The following NCOR2 variants were observed in gnomAD, a reference collection of about 807,000 sequenced individuals.
The protein encoded by NCOR2 is CTG repeat protein 26.
Under a neutral mutation model 262.9 loss-of-function variants are expected in NCOR2, and 81 were observed. The ratio of observed to expected loss-of-function variants is 0.31; its 90% confidence interval spans 0.26 to 0.37. NCOR2 has a LOEUF of 0.37. Among genes scored for constraint, NCOR2 ranks in the 10% least tolerant of loss-of-function variants. The pLI, the probability that NCOR2 is intolerant of heterozygous loss-of-function variation, is 1.00. For missense variants in NCOR2, 3,385 were observed against 3,621.4 expected (o/e 0.93, Z 1.68); for synonymous variants, 1,659 against 1,559.3 (o/e 1.06, Z -1.51).
intron 8 of NCOR2, among the ~76,000 whole-genome samples, chr12:124,434,309 C>T (rs2044204350): frequency 6.6e-6 from 1 of 152,142 alleles, no homozygotes; most frequent in Non-Finnish European, 1.5e-5. Flanking sequence ...TCAATGAAGT[C>T]AGGGACTTCG....
At chr12:124,349,796 C>A (rs2037280156) in intron 28 of NCOR2, among the ~76,000 whole-genome samples, 1 of 152,308 alleles carries the variant, frequency 6.6e-6, no homozygotes, top group Middle Eastern at 3.4e-3. Context: ...CCACCACCAG[C>A]CCTTCCCAGG....
In NCOR2 at chr12:124,348,170, T is replaced by C; in HGVS notation, c.3985+4A>G. On this transcript the variant is annotated splice_donor_region_variant and intron_variant, in intron 29 of 46. Transcript: ENST00000405201. ...GAGAGATGAAGTCTCCTCCCTGCTA[T>C]CACCTTCGATGCTGGCTGAGGAGAT... 6.2e-7 allele frequency: 1 copy of C among 1,610,060 alleles called. No homozygotes were observed. Among genetic ancestry groups the C allele is most frequent in the Non-Finnish European group, 8.5e-7 (1 of 1,179,998 alleles).
intron 16 of NCOR2, 86 bp downstream of exon 18, chr12:124,398,033 A>G (rs1336597975): frequency 6.3e-5 from 97 of 1,528,042 alleles, no homozygotes; most frequent in Non-Finnish European, 8.4e-5. Context: ...CTCAAGGCCA[A>G]ATGTGTCAAC....
At chr12:124,419,973 C>A in exon 13 of NCOR2, 1 of 1,613,876 alleles carries the variant, frequency 6.2e-7, no homozygotes. Flanking sequence ...CTTGCCGCGG[C>A]GCCGATAGCT....
intron 1 of NCOR2, among the ~76,000 whole-genome samples, chr12:124,528,169 C>T (rs1368848200): frequency 6.6e-6 from 1 of 152,208 alleles, no homozygotes; most frequent in Non-Finnish European, 1.5e-5. Context: ...GAAGCCCCTA[C>T]AGCAGCGCCT....
chr12:124,497,344 C>T (rs1029634978), upstream of NCOR2, among the ~76,000 whole-genome samples: 5 of 152,234 alleles, frequency 3.3e-5, no homozygotes, highest in South Asian at 2.1e-4. The surrounding 1 kb of genome is among the most constrained non-coding windows in gnomAD (Gnocchi z 4.2). Context: ...CATGGGAACA[C>T]GTCCCGCTCC....
chr12:124,352,715 A>G (rs1158453174), intron 27 of NCOR2, among the ~76,000 whole-genome samples: 1 of 152,236 alleles, frequency 6.6e-6, no homozygotes, highest in African/African-American at 2.4e-5. Context: ...CTTCAGGGAC[A>G]TGGACAGAGA....
chr12:124,346,821 C>T (rs1261746365), exon 31 of NCOR2: 1 of 1,580,090 alleles, frequency 6.3e-7, no homozygotes, highest in Non-Finnish European at 8.6e-7. Flanking sequence ...AGGTAGTCCT[C>T]CTGTGCCTCC....
At chr12:124,415,477 C>T (rs1488218971) in intron 13 of NCOR2, among the ~76,000 whole-genome samples, 1 of 152,248 alleles carries the variant, frequency 6.6e-6, no homozygotes, top group Non-Finnish European at 1.5e-5. Context: ...CACTTGAGAA[C>T]CCCTGTTTAC....
chr12:124,387,860 G>A (rs2040932671), intron 16 of NCOR2, among the ~76,000 whole-genome samples: 1 of 152,204 alleles, frequency 6.6e-6, no homozygotes, highest in Non-Finnish European at 1.5e-5. Flanking sequence ...GGTGGGAGAG[G>A]GCGAGAGGGG....
chr12:124,385,969 CG>C, intron 16 of NCOR2, 82 bp from the exon 19 acceptor site: 2 of 1,518,848 alleles, frequency 1.3e-6, no homozygotes, highest in South Asian at 2.5e-5. Context: ...GGGCGGCAAA[CG>C]GGCCTGGAGC....
Position 124,503,389 on chromosome 12 carries a change from GAGGA to G in NCOR2, c.-117-8025_-117-8022del, listed in dbSNP as rs2048848392. Among the ~76,000 whole-genome samples, 1 of 152,294 alleles carries G rather than the reference GAGGA, an allele frequency of 6.6e-6. No homozygotes were observed. Among genetic ancestry groups the G allele is most frequent in the African/African-American group, 2.4e-5 (1 of 41,564 alleles). On this transcript the variant is annotated intron_variant, in intron 1 of 46. Transcript: ENST00000404621. This position sits in a 1 kb window ranked among gnomAD's most constrained non-coding sequence, Gnocchi z 4.3. ...AGAGATGGGAGGATGGAGGAGAAAG[GAGGA>G]AGGGAGGGAGGAAAGGAGGATGGAT... is the stretch of plus-strand genomic sequence containing the variant.
intron 13 of NCOR2, 41 bp from the exon 16 acceptor site, chr12:124,402,602 A>G: frequency 6.5e-7 from 1 of 1,544,684 alleles, no homozygotes; most frequent in Non-Finnish European, 8.7e-7. Flanking sequence ...GTGGGGAGGG[A>G]AGAAAACCGT....
chr12:124,469,612 G>GA (rs977979450), intron 4 of NCOR2, among the ~76,000 whole-genome samples: 6 of 152,280 alleles, frequency 3.9e-5, no homozygotes, highest in African/African-American at 1.4e-4. Context: ...TCAAGCCTGA[G>GA]CCCCCCGCTC....
At chr12:124,325,090 C>A (rs970207164) in exon 47 of NCOR2, 1 of 249,134 alleles carries the variant, frequency 4.0e-6, no homozygotes, top group Admixed American at 5.5e-5. Context: ...GGGTCCCTGG[C>A]CGCCCTGGCC....
At chr12:124,351,346 G>A (rs1293046238) in intron 27 of NCOR2, among the ~76,000 whole-genome samples, 1 of 151,758 alleles carries the variant, frequency 6.6e-6, no homozygotes, top group Admixed American at 6.6e-5. Flanking sequence ...TTTCCACCTC[G>A]GCCCTCCTGA....
chr12:124,559,082 G>A (rs370511045), intron 1 of NCOR2, among the ~76,000 whole-genome samples: 6 of 152,162 alleles, frequency 3.9e-5, no homozygotes, highest in African/African-American at 1.4e-4. Context: ...AGGCACATAC[G>A]CACAGACACA....
rs781762231 is a variant in NCOR2, at chr12:124,337,023, G to A, written c.5845C>T (p.Arg1949Ter). 1.3e-6 allele frequency: 2 copies of A among 1,504,812 alleles called. No homozygotes were observed. The highest frequency in any genetic ancestry group is 8.8e-7 in the Non-Finnish European group (1 of 1,130,016). 93.2% of individuals were successfully genotyped at this position (1,504,812 alleles called of 1,614,324 possible). A position where few individuals can be genotyped will look rare whatever the true frequency, so the allele number is the denominator to read the frequency against. ...AGGAAGGCATGGCCGGTGTCTGCTC[G>A]GGGCCGCTCTGGCCGGGCGACCCGG... The change falls in exon 38 of 47, where the codon CGA becomes TGA. Residue 1949 changes from arginine to a stop codon, truncating the protein, a stop_gained. Coordinates refer to ENST00000405201, the Ensembl canonical transcript of NCOR2. LOFTEE classifies it high-confidence loss of function.
chr12:124,375,310 T>C (rs1304658322), intron 18 of NCOR2, among the ~76,000 whole-genome samples: 1 of 152,184 alleles, frequency 6.6e-6, no homozygotes, highest in East Asian at 1.9e-4. Flanking sequence ...GGTCTCAGTT[T>C]GTTCATCTAC....
Sources: allele counts gnomAD v4.1 joint callset (sites outside exome capture counted in the v4.1 genomes callset), GRCh38; gene constraint gnomAD v4.1.1; non-coding constraint Gnocchi (gnomAD v3.1); transcripts MANE v1.5; gene names NCBI Gene and HGNC (gene_info 2026-07-23, HGNC 2026-07-21).